SCUBE1: variants seen among roughly 807,000 people sequenced by gnomAD.
SCUBE1 encodes signal peptide, CUB and EGF-like domain-containing protein 1.
In SCUBE1, 59 loss-of-function variants were observed where a neutral mutation model predicts 124.4. The observed-to-expected ratio is 0.47, with a 90% CI of 0.38 to 0.59. The LOEUF (loss-of-function observed/expected upper bound fraction) is 0.59. SCUBE1 is among the 20% of genes least tolerant of loss of function. The pLI, the probability that SCUBE1 is intolerant of heterozygous loss-of-function variation, is 0.00. For synonymous variants in SCUBE1, 545 were observed against 550.9 expected (o/e 0.99, Z 0.15); for missense variants, 1,150 against 1,371.2 (o/e 0.84, Z 2.55).
At position 43,207,527 on chromosome 22, in the gene SCUBE1, C is replaced by T; in HGVS notation, c.2814+7G>A. 16 of 1,609,296 alleles carry T rather than the reference C, an allele frequency of 9.9e-6. No individual in the cohort carries two copies. The highest frequency in any genetic ancestry group is 1.4e-5 in the Non-Finnish European group (16 of 1,175,672). On this transcript the variant is annotated splice_region_variant and intron_variant, in intron 21 of 21. Coordinates refer to ENST00000360835, the MANE Select transcript of SCUBE1 (RefSeq NM_173050.5). ...TACGTGGATTCCCTTCCAATAAACT[C>T]ACTCACTTTCAAAATTTCCTGGTGG...
intron 2 of SCUBE1, among the ~76,000 whole-genome samples, chr22:43,330,256 A>G (rs1347699012): frequency 6.6e-6 from 1 of 152,076 alleles, no homozygotes; most frequent in Non-Finnish European, 1.5e-5. Flanking sequence ...GTTAGGAGGG[A>G]CCAAAATGCA....
chr22:43,291,017 C>T (rs759053982), intron 4 of SCUBE1, 29 bp downstream of exon 4: 2 of 1,550,932 alleles, frequency 1.3e-6, no homozygotes, highest in Admixed American at 1.8e-5. Flanking sequence ...TGGGGGGGGA[C>T]ATGCCTGGTC....
At chr22:43,317,261 G>A (rs1224285732) in intron 3 of SCUBE1, among the ~76,000 whole-genome samples, 2 of 152,202 alleles carry the variant, frequency 1.3e-5, no homozygotes, top group African/African-American at 4.8e-5. Flanking sequence ...TGCCTGCGTT[G>A]ACTATTTAGC....
At chr22:43,204,323 G>T (rs1427556115) in intron 21 of SCUBE1, among the ~76,000 whole-genome samples, 174 bp from the exon 22 acceptor site, 1 of 151,802 alleles carries the variant, frequency 6.6e-6, no homozygotes, top group Non-Finnish European at 1.5e-5. Flanking sequence ...TTTTTTTTGA[G>T]ACAGTCTTGC....
intron 3 of SCUBE1, among the ~76,000 whole-genome samples, chr22:43,302,880 C>T (rs1925826063): frequency 6.6e-6 from 1 of 152,256 alleles, no homozygotes; most frequent in Non-Finnish European, 1.5e-5. Context: ...TAATGAAGCG[C>T]CTCTGCGCCT....
chr22:43,230,831 G>A (rs1199505551), intron 8 of SCUBE1, among the ~76,000 whole-genome samples: 1 of 152,172 alleles, frequency 6.6e-6, no homozygotes, highest in Non-Finnish European at 1.5e-5. Context: ...GACCTTGTGG[G>A]AGAACAGCCC....
chr22:43,324,741 A>G (rs899339747), intron 2 of SCUBE1, among the ~76,000 whole-genome samples: 1 of 151,958 alleles, frequency 6.6e-6, no homozygotes, highest in African/African-American at 2.4e-5. Flanking sequence ...TGACAGCCAG[A>G]GAACGAGAAA....
intron 4 of SCUBE1, among the ~76,000 whole-genome samples, chr22:43,288,299 C>T (rs966429433): frequency 1.3e-5 from 2 of 152,172 alleles, no homozygotes; most frequent in African/African-American, 2.4e-5. Flanking sequence ...CCACCCAACA[C>T]CAGCCACTGC....
chr22:43,250,263 G>A (rs1444657688), intron 6 of SCUBE1, among the ~76,000 whole-genome samples: 4 of 152,212 alleles, frequency 2.6e-5, no homozygotes, highest in South Asian at 2.1e-4. Flanking sequence ...CCTGTCTCCC[G>A]GGAGATGCCC....
rs894845926 is a variant in SCUBE1, at chr22:43,211,655, T to A, written c.2222-572A>T. ...TCCCAGTCTCCCGAGTAGCTGGGAT[T>A]ACAGGTGCACATCACCACACCCGGC... On this transcript the variant is annotated intron_variant, in intron 17 of 21. Transcript: ENST00000360835. This position sits in a 1 kb window ranked among gnomAD's most constrained non-coding sequence, Gnocchi z 4.5. Among the ~76,000 whole-genome samples, 1 of 151,952 alleles carries A rather than the reference T, an allele frequency of 6.6e-6. No homozygotes were observed. Among genetic ancestry groups the A allele is most frequent in the Non-Finnish European group, 1.5e-5 (1 of 67,956 alleles).
chr22:43,207,428 C>T (rs1312560244), intron 21 of SCUBE1, 106 bp downstream of exon 21: 2 of 848,536 alleles, frequency 2.4e-6, no homozygotes, highest in East Asian at 2.5e-5. Context: ...TCACCACCCA[C>T]CCTCCCTTGC....
intron 2 of SCUBE1, among the ~76,000 whole-genome samples, chr22:43,326,648 A>G (rs1434416667): frequency 1.3e-5 from 2 of 152,110 alleles, no homozygotes; most frequent in Non-Finnish European, 2.9e-5. Flanking sequence ...ACACATCTAT[A>G]TACTTTTTCA....
At chr22:43,218,747 C>T (rs531268351) in intron 14 of SCUBE1, among the ~76,000 whole-genome samples, 13 of 147,164 alleles carry the variant, frequency 8.8e-5, no homozygotes, top group South Asian at 2.2e-4. Flanking sequence ...GGGGCAAGAA[C>T]GCCTTTCTGT....
Position 43,205,836 on chromosome 22 carries a change from CCA to C in SCUBE1, c.2815-1689_2815-1688del, listed in dbSNP as rs201668276. ...CACTCACCACTCACCCCCACACACA[CCA>C]CACACCCACTCACCACTCACCCCCA... On this transcript the variant is annotated intron_variant, in intron 21 of 21. Transcript: ENST00000360835. 8.7e-4 allele frequency among the ~76,000 whole-genome samples: 92 copies of C among 105,954 alleles called. 3 individuals carry two copies. The highest frequency in any genetic ancestry group is 3.7e-3 in the African/African-American group (88 of 23,622). 69.5% of individuals were successfully genotyped at this position (105,954 alleles called of 152,430 possible). A position where few individuals can be genotyped will look rare whatever the true frequency, so the allele number is the denominator to read the frequency against.
chr22:43,279,769 C>T (rs1407490275), intron 4 of SCUBE1, among the ~76,000 whole-genome samples: 2 of 152,186 alleles, frequency 1.3e-5, no homozygotes, highest in African/African-American at 2.4e-5. Context: ...GTTGGACCCT[C>T]CTACAGCCTG....
intron 7 of SCUBE1, 32 bp downstream of exon 7, chr22:43,238,806 G>A: frequency 6.4e-7 from 1 of 1,566,226 alleles, no homozygotes; most frequent in South Asian, 1.1e-5. Context: ...GCCAGTACAG[G>A]CAGGGGCACC....
At chr22:43,296,339 C>A (rs1380469282) in intron 3 of SCUBE1, among the ~76,000 whole-genome samples, 1 of 152,204 alleles carries the variant, frequency 6.6e-6, no homozygotes, top group Non-Finnish European at 1.5e-5. Flanking sequence ...CTGAGTGGGC[C>A]TGTTTCCAAT....
chr22:43,303,176 T>TCCAA (rs1342924452), intron 3 of SCUBE1, among the ~76,000 whole-genome samples: 1 of 152,260 alleles, frequency 6.6e-6, no homozygotes, highest in Non-Finnish European at 1.5e-5. Context: ...TCTTCCACCC[T>TCCAA]CCAAAGCTAT....
At chr22:43,271,856 CAA>C (rs1924306380) in intron 4 of SCUBE1, among the ~76,000 whole-genome samples, 1 of 152,186 alleles carries the variant, frequency 6.6e-6, no homozygotes, top group African/African-American at 2.4e-5. Context: ...GGGCTCTTTG[CAA>C]ACATTCCTAA....
Sources: gnomAD v4.1 joint callset for allele counts (sites outside exome capture counted in the v4.1 genomes callset) on GRCh38, gnomAD v4.1.1 for gene constraint, Gnocchi (gnomAD v3.1) non-coding constraint, MANE v1.5 for transcripts, NCBI Gene and HGNC (gene_info 2026-07-23, HGNC 2026-07-21) for gene names.